HSPA12A: variants seen among roughly 807,000 people sequenced by gnomAD.
The protein encoded by HSPA12A is heat shock protein family A (Hsp70) member 12A.
In HSPA12A, 28 loss-of-function variants were observed where a neutral mutation model predicts 69.2. The ratio of observed to expected loss-of-function variants is 0.40; its 90% confidence interval spans 0.30 to 0.55. The LOEUF is 0.55. Ranked by LOEUF, HSPA12A falls within the 20% of genes least tolerant of loss-of-function variation. HSPA12A has a pLI of 0.38. For synonymous variants in HSPA12A, 345 were observed against 370.5 expected, an observed-to-expected ratio of 0.93 and a Z score of 0.79; for missense variants, 686 against 900.7, an observed-to-expected ratio of 0.76 and a Z score of 3.05.
chr10:116,695,591 C>G (rs1453243689), intron 5 of HSPA12A, among the ~76,000 whole-genome samples: 1 of 151,874 alleles, frequency 6.6e-6, no homozygotes, highest in South Asian at 2.1e-4. Flanking sequence ...CCGAGGCGGG[C>G]GGATCATGAG....
intron 2 of HSPA12A, among the ~76,000 whole-genome samples, chr10:116,772,080 A>G (rs1409012542): frequency 6.6e-6 from 1 of 152,108 alleles, no homozygotes; most frequent in Non-Finnish European, 1.5e-5. Context: ...CCCTGAGATG[A>G]CAGCACAGGA....
chr10:116,766,646 G>C (rs1419108879), intron 2 of HSPA12A, among the ~76,000 whole-genome samples: 4 of 152,082 alleles, frequency 2.6e-5, no homozygotes, highest in Non-Finnish European at 5.9e-5. Flanking sequence ...AACCCAGATT[G>C]TCATTTCCTC....
chr10:116,713,838 C>T (rs1190714869), intron 1 of HSPA12A, among the ~76,000 whole-genome samples: 2 of 152,164 alleles, frequency 1.3e-5, no homozygotes, highest in Non-Finnish European at 2.9e-5. Flanking sequence ...CAGCATCCAG[C>T]ATTTGAAGAG....
chr10:116,714,842 A>G (rs1200313839), intron 1 of HSPA12A, among the ~76,000 whole-genome samples: 1 of 152,236 alleles, frequency 6.6e-6, no homozygotes, highest in African/African-American at 2.4e-5. Flanking sequence ...GGCACTGCAC[A>G]TGCTGTTCCC....
intron 1 of HSPA12A, among the ~76,000 whole-genome samples, chr10:116,838,515 A>G (rs898538295): frequency 6.6e-6 from 1 of 152,216 alleles, no homozygotes; most frequent in Non-Finnish European, 1.5e-5. Flanking sequence ...CAACAGCCAC[A>G]GGACTGGTTT....
chr10:116,827,174 T>C (rs1426854910), intron 2 of HSPA12A, among the ~76,000 whole-genome samples: 3 of 152,196 alleles, frequency 2.0e-5, no homozygotes, highest in Non-Finnish European at 4.4e-5. Context: ...TAGAATATCA[T>C]TAATACCTTC....
intron 2 of HSPA12A, among the ~76,000 whole-genome samples, chr10:116,775,141 T>C (rs997061118): frequency 2.6e-5 from 4 of 152,268 alleles, no homozygotes; most frequent in African/African-American, 9.6e-5. Flanking sequence ...CAGCAATTGC[T>C]GCCATTTACC....
rs1191092789 is a variant in HSPA12A at position 116,674,692 on chromosome 10, G to C, written c.*89C>G. On this transcript the variant is annotated 3_prime_UTR_variant, in exon 12 of 12. Transcript: ENST00000369209. Reference sequence around the variant, plus strand: ...CTGAAATTCACATGGGCAATGGTGAGGGTCAAGGTTAGGGAAAGAACAGTC... The same window carrying C: ...CTGAAATTCACATGGGCAATGGTGACGGTCAAGGTTAGGGAAAGAACAGTC... 3.0e-6 allele frequency: 4 copies of C among 1,322,234 alleles called. No homozygotes were observed. In the African/African-American group the frequency reaches 4.3e-5, roughly 14 times the overall value. 81.9% of individuals were successfully genotyped at this position (1,322,234 alleles called of 1,614,324 possible).
At chr10:116,762,181 T>C (rs1433069480) in intron 2 of HSPA12A, among the ~76,000 whole-genome samples, 2 of 152,184 alleles carry the variant, frequency 1.3e-5, no homozygotes, top group Non-Finnish European at 2.9e-5. Context: ...TCTCCTATCC[T>C]GTTGGTCACC....
chr10:116,740,466 T>C (rs1344963576), intron 1 of HSPA12A, among the ~76,000 whole-genome samples: 1 of 152,164 alleles, frequency 6.6e-6, no homozygotes, highest in African/African-American at 2.4e-5. Flanking sequence ...GCTCTTCAGG[T>C]TGGTCTCTGT....
intron 1 of HSPA12A, among the ~76,000 whole-genome samples, chr10:116,732,247 T>G (rs1554885876): frequency 6.6e-6 from 1 of 150,834 alleles, no homozygotes; most frequent in Non-Finnish European, 1.5e-5. Flanking sequence ...GGAGAATCGT[T>G]TGAACCCGGG....
At chr10:116,720,229 G>A (rs1850732561) in intron 1 of HSPA12A, among the ~76,000 whole-genome samples, 1 of 152,168 alleles carries the variant, frequency 6.6e-6, no homozygotes, top group African/African-American at 2.4e-5. Flanking sequence ...CTCTGGGAAT[G>A]GACTCAGTCA....
intron 2 of HSPA12A, among the ~76,000 whole-genome samples, chr10:116,749,527 T>C (rs970925975): frequency 1.3e-5 from 2 of 152,242 alleles, no homozygotes; most frequent in African/African-American, 4.8e-5. Flanking sequence ...AGAACACGTT[T>C]GTCTGTCATG....
In HSPA12A at chr10:116,698,544, C is replaced by G; in HGVS notation, c.546+91G>C. 5 of 968,576 alleles carry G rather than the reference C, an allele frequency of 5.2e-6. No individual in the cohort carries two copies. In the Admixed American group the frequency reaches 8.8e-5, roughly 17 times the overall value. 60.0% of individuals were successfully genotyped at this position (968,576 alleles called of 1,614,324 possible). On this transcript the variant is annotated intron_variant, in intron 5 of 11. Coordinates refer to ENST00000369209, the MANE Select transcript of HSPA12A (RefSeq NM_025015.3). The stretch of plus-strand genomic sequence containing the variant: ...CTCCCTCCAGGCTGTGCCTCCTACC[C>G]TGGCCAGCAGGTGCAGCAGCCCGAG...
chr10:116,753,790 T>C (rs1341193825), intron 2 of HSPA12A, among the ~76,000 whole-genome samples: 1 of 152,048 alleles, frequency 6.6e-6, no homozygotes, highest in African/African-American at 2.4e-5. Context: ...GTAAGTGAGG[T>C]GGTGCGTGTG....
intron 2 of HSPA12A, among the ~76,000 whole-genome samples, chr10:116,776,099 A>C (rs573921437): frequency 6.6e-6 from 1 of 152,128 alleles, no homozygotes; most frequent in Non-Finnish European, 1.5e-5. Flanking sequence ...AGTACCCAAG[A>C]CAAGTGCCAC....
chr10:116,781,878 G>A (rs1844472270), intron 2 of HSPA12A, among the ~76,000 whole-genome samples: 2 of 152,154 alleles, frequency 1.3e-5, no homozygotes, highest in Non-Finnish European at 2.9e-5. Flanking sequence ...AAACAGTAAA[G>A]GAGAAGACTG....
chr10:116,786,154 ACT>A (rs1397224026), intron 2 of HSPA12A, among the ~76,000 whole-genome samples: 1 of 152,096 alleles, frequency 6.6e-6, no homozygotes, highest in African/African-American at 2.4e-5. Context: ...TGCAGAAGAG[ACT>A]CTCAGCAAAT....
chr10:116,740,482 G>C (rs188559881), intron 1 of HSPA12A, among the ~76,000 whole-genome samples: 3 of 152,302 alleles, frequency 2.0e-5, no homozygotes, highest in Admixed American at 2.0e-4. Flanking sequence ...TCTGTCCTAA[G>C]TCCATGCACC....
Sources: allele counts gnomAD v4.1 joint callset (sites outside exome capture counted in the v4.1 genomes callset), GRCh38; gene constraint gnomAD v4.1.1; transcripts MANE v1.5; gene names NCBI Gene and HGNC (gene_info 2026-07-23, HGNC 2026-07-21).